The following SCUBE1 variants were observed in gnomAD, a reference collection of about 807,000 sequenced individuals.
The protein encoded by SCUBE1 is signal peptide, CUB and EGF-like domain-containing protein 1.
A neutral mutation model predicts 124.4 loss-of-function variants in SCUBE1; 59 were observed. The ratio of observed to expected loss-of-function variants is 0.47; its 90% CI spans 0.38 to 0.59. SCUBE1 has a LOEUF of 0.59. SCUBE1 is among the 20% of genes least tolerant of loss of function. The pLI is 0.00. For synonymous variants in SCUBE1, 545 were observed against 550.9 expected, an observed-to-expected ratio of 0.99 and a Z score of 0.15; for missense variants, 1,150 against 1,371.2, an observed-to-expected ratio of 0.84 and a Z score of 2.55.
chr22:43,263,579 C>T (rs1353073810), intron 4 of SCUBE1, among the ~76,000 whole-genome samples: 16 of 152,230 alleles, frequency 1.1e-4, no homozygotes, highest in African/African-American at 3.4e-4. Flanking sequence ...CGGGACACAC[C>T]GGCCTCTTGT....
intron 3 of SCUBE1, among the ~76,000 whole-genome samples, chr22:43,317,933 G>C (rs1926408651): frequency 1.3e-5 from 2 of 152,194 alleles, no homozygotes; most frequent in South Asian, 4.1e-4. Flanking sequence ...ATAGAGCTGA[G>C]ACAATGTGAA....
At chr22:43,273,152 T>C (rs1924357158) in intron 4 of SCUBE1, among the ~76,000 whole-genome samples, 2 of 152,192 alleles carry the variant, frequency 1.3e-5, no homozygotes, top group Admixed American at 1.3e-4. Context: ...CATTCTCAGT[T>C]TGAGACCCAG....
chr22:43,230,755 C>T (rs1001086754), intron 8 of SCUBE1, among the ~76,000 whole-genome samples: 1 of 152,196 alleles, frequency 6.6e-6, no homozygotes, highest in African/African-American at 2.4e-5. Flanking sequence ...CTGGGGCACA[C>T]ATGATTCTGA....
chr22:43,228,969 C>T, intron 9 of SCUBE1, 103 bp downstream of exon 9: 1 of 835,384 alleles, frequency 1.2e-6, no homozygotes, highest in South Asian at 1.5e-5. Flanking sequence ...CTCAGGCCCC[C>T]CAGGGTTGAG....
intron 2 of SCUBE1, among the ~76,000 whole-genome samples, chr22:43,335,805 ATGATGATGATGATGG>A (rs1569036105): frequency 1.4e-5 from 2 of 148,140 alleles, no homozygotes; most frequent in Non-Finnish European, 3.0e-5. Context: ...GATGATGGTG[ATGATGATGATGATGG>A]TGATGATGAT....
At chr22:43,329,339 G>A (rs1262029834) in intron 2 of SCUBE1, among the ~76,000 whole-genome samples, 4 of 152,250 alleles carry the variant, frequency 2.6e-5, no homozygotes, top group African/African-American at 9.6e-5. Context: ...AGCATTGGGC[G>A]CCATGGAAAC....
chr22:43,328,023 A>C (rs1467001005), intron 2 of SCUBE1, among the ~76,000 whole-genome samples: 1 of 152,152 alleles, frequency 6.6e-6, no homozygotes, highest in Non-Finnish European at 1.5e-5. Context: ...GGTGAAGGGA[A>C]ACCACAAGGA....
Position 43,208,199 on chromosome 22 carries a change from A to G in SCUBE1, c.2607T>C (p.Tyr869=), listed in dbSNP as rs762022132. 5.0e-6 allele frequency: 8 copies of G among 1,614,082 alleles called. No individual in the cohort carries two copies. In the South Asian group the frequency reaches 6.6e-5, roughly 13 times the overall value. ...KSASPTSITT[Y]ETCQTYERPI... ...GCCTCTCGTAGGTCTGGCAGGTCTC[A>G]TAGGTGGTGATGGACGTGGGAGAGG... The change falls in exon 20 of 22, where the codon TAT becomes TAC. Residue 869 remains tyrosine, a synonymous_variant. Coordinates refer to ENST00000360835, the MANE Select transcript of SCUBE1 (RefSeq NM_173050.5).
At chr22:43,303,268 C>A (rs1348253444) in intron 3 of SCUBE1, among the ~76,000 whole-genome samples, 1 of 152,272 alleles carries the variant, frequency 6.6e-6, no homozygotes, top group African/African-American at 2.4e-5. Flanking sequence ...CCTGTCCTCA[C>A]CTACCAGGTA....
At position 43,212,424 on chromosome 22, in the gene SCUBE1, C is replaced by A. The variant is rs147206278; in HGVS notation, c.2221+1G>T. ...GGGCGTGGTGGGGAGGGCATGCTCACCTTTAGCCTCGCAGTCCTGGAAGGA... is the reference window on the plus strand; with the variant it reads ...GGGCGTGGTGGGGAGGGCATGCTCAACTTTAGCCTCGCAGTCCTGGAAGGA... On this transcript the variant is annotated splice_donor_variant, in intron 17 of 21. Coordinates refer to ENST00000360835, the MANE Select transcript of SCUBE1 (RefSeq NM_173050.5). LOFTEE classifies it high-confidence loss of function. The A allele has an allele frequency of 6.5e-7, 1 of 1,550,340 alleles. No homozygotes were observed. Among genetic ancestry groups the A allele is most frequent in the African/African-American group, 1.4e-5 (1 of 73,046 alleles).
At chr22:43,327,965 G>A (rs1029293791) in intron 2 of SCUBE1, among the ~76,000 whole-genome samples, 5 of 152,066 alleles carry the variant, frequency 3.3e-5, no homozygotes, top group East Asian at 1.9e-4. Context: ...TAATGCTGTC[G>A]GTCTTCTTCT....
intron 3 of SCUBE1, among the ~76,000 whole-genome samples, chr22:43,311,960 A>C (rs1425586118): frequency 6.6e-6 from 1 of 152,160 alleles, no homozygotes; most frequent in Non-Finnish European, 1.5e-5. Context: ...GGCTGCTTTC[A>C]GGGTAAATGG....
At chr22:43,212,624 A>T in intron 16 of SCUBE1, 32 bp from the exon 17 acceptor site, 1 of 1,544,434 alleles carries the variant, frequency 6.5e-7, no homozygotes, top group Non-Finnish European at 8.7e-7. Flanking sequence ...TCAGGCGGGC[A>T]GGAGGGCACC....
intron 6 of SCUBE1, among the ~76,000 whole-genome samples, chr22:43,241,506 C>T (rs1288114273): frequency 1.3e-5 from 2 of 152,126 alleles, no homozygotes; most frequent in African/African-American, 4.8e-5. Context: ...CAGTGACCCA[C>T]CTGGCAGCTC....
chr22:43,255,686 C>CACA lies in SCUBE1; in HGVS notation c.727+2532_727+2533insTGT, dbSNP rs1204087831. ...CGTGGCGCACGCAAAGCCAACACAACACGCCGGCCAGCTCGGCATCCTCGC... is the reference window on the plus strand; with the variant it reads ...CGTGGCGCACGCAAAGCCAACACAACACAACGCCGGCCAGCTCGGCATCCTCGC... On this transcript the variant is annotated intron_variant, in intron 6 of 21. Transcript: ENST00000360835. This position sits in a 1 kb window ranked among gnomAD's most constrained non-coding sequence, Gnocchi z 4.7. The CACA allele has an allele frequency of 1.1e-6, 1 of 922,198 alleles. No homozygotes were observed. Among genetic ancestry groups the CACA allele is most frequent in the Non-Finnish European group, 1.7e-6 (1 of 589,888 alleles). 57.1% of individuals were successfully genotyped at this position (922,198 alleles called of 1,614,324 possible). A position where few individuals can be genotyped will look rare whatever the true frequency, so the allele number is the denominator to read the frequency against.
chr22:43,293,483 C>T (rs980470370), intron 3 of SCUBE1, among the ~76,000 whole-genome samples: 18 of 152,242 alleles, frequency 1.2e-4, no homozygotes, highest in African/African-American at 2.9e-4. Flanking sequence ...ACCAATGCTG[C>T]GAAGAGCCGG....
At chr22:43,260,007 G>A (rs924885553) in intron 5 of SCUBE1, among the ~76,000 whole-genome samples, 7 of 152,234 alleles carry the variant, frequency 4.6e-5, no homozygotes, top group African/African-American at 1.4e-4. Flanking sequence ...GGGATTCCGG[G>A]AGGCTGCAGC....
chr22:43,277,527 C>T (rs1228005494), intron 4 of SCUBE1, among the ~76,000 whole-genome samples: 1 of 152,206 alleles, frequency 6.6e-6, no homozygotes, highest in African/African-American at 2.4e-5. Context: ...CCTGGCCCCC[C>T]ATCCATTGGT....
chr22:43,241,062 G>C (rs998769089), intron 6 of SCUBE1, among the ~76,000 whole-genome samples: 11 of 152,108 alleles, frequency 7.2e-5, no homozygotes, highest in Admixed American at 2.0e-4. Context: ...GTGACCCTGA[G>C]AGACAGACCC....
Sources: allele counts gnomAD v4.1 joint callset (sites outside exome capture counted in the v4.1 genomes callset), GRCh38; gene constraint gnomAD v4.1.1; non-coding constraint Gnocchi (gnomAD v3.1); transcripts MANE v1.5; gene names NCBI Gene and HGNC (gene_info 2026-07-23, HGNC 2026-07-21).